ARHGAP24: variants seen among roughly 807,000 people sequenced by gnomAD.
ARHGAP24 encodes the protein rho GTPase-activating protein 24.
ARHGAP24 carries 50 observed loss-of-function variants against 76.4 expected under a neutral mutation model. The observed-to-expected ratio is 0.65, with a 90% CI of 0.52 to 0.83. The LOEUF (loss-of-function observed/expected upper bound fraction) is 0.83, where lower values mean the gene tolerates loss of function less well. Ranked by LOEUF, ARHGAP24 falls within the 40% of genes least tolerant of loss-of-function variation. The pLI is 0.00. For synonymous variants in ARHGAP24, 345 were observed against 323.3 expected, an observed-to-expected ratio of 1.07 and a Z score of -0.72; for missense variants, 930 against 914.2, an observed-to-expected ratio of 1.02 and a Z score of -0.22.
At chr4:85,552,864 A>C (rs774947323) in intron 1 of ARHGAP24, among the ~76,000 whole-genome samples, 1 of 152,158 alleles carries the variant, frequency 6.6e-6, no homozygotes, top group African/African-American at 2.4e-5. Context: ...ATTTTTCTCT[A>C]TCCCTTTACT....
At chr4:85,964,022 A>G (rs1479262319) in intron 5 of ARHGAP24, among the ~76,000 whole-genome samples, 1 of 152,080 alleles carries the variant, frequency 6.6e-6, no homozygotes, top group Non-Finnish European at 1.5e-5. Flanking sequence ...TTAATATGGT[A>G]TTGTGTTAGT....
At chr4:85,833,320 C>T (rs345366) in intron 3 of ARHGAP24, among the ~76,000 whole-genome samples, 144,358 of 152,294 alleles carry the variant, frequency 0.95, 68,907 homozygotes, top group East Asian at 1. Context: ...TCAAGAGGTA[C>T]GTGCTTGGTG....
At chr4:85,571,507 C>T (rs531094934) in intron 2 of ARHGAP24, among the ~76,000 whole-genome samples, 2 of 152,070 alleles carry the variant, frequency 1.3e-5, no homozygotes, top group African/African-American at 2.4e-5. Flanking sequence ...ATTTTAGATT[C>T]GTTTATATAA....
At chr4:85,632,637 G>A (rs1721194044) in intron 2 of ARHGAP24, among the ~76,000 whole-genome samples, 2 of 149,676 alleles carry the variant, frequency 1.3e-5, no homozygotes, top group African/African-American at 2.5e-5. Flanking sequence ...TTGATTTTCA[G>A]TTAAGAAGTA....
chr4:85,775,810 G>A (rs1727290863), intron 3 of ARHGAP24, among the ~76,000 whole-genome samples: 1 of 152,042 alleles, frequency 6.6e-6, no homozygotes. Context: ...GGAAATCACT[G>A]GACAATGCAA....
At chr4:85,764,868 GTT>G (rs10592840) in intron 3 of ARHGAP24, among the ~76,000 whole-genome samples, 34,049 of 151,838 alleles carry the variant, frequency 0.22, 4,023 homozygotes, top group Admixed American at 0.29. Context: ...AATTCAGAAA[GTT>G]TATACTAATT....
chr4:85,651,896 A>G (rs1218253535), intron 2 of ARHGAP24, among the ~76,000 whole-genome samples: 1 of 152,138 alleles, frequency 6.6e-6, no homozygotes, highest in East Asian at 1.9e-4. Context: ...AGAATTAGAT[A>G]AAATAAGAAC....
At chr4:85,954,782 T>A in intron 5 of ARHGAP24, among the ~76,000 whole-genome samples, 1 of 152,058 alleles carries the variant, frequency 6.6e-6, no homozygotes, top group East Asian at 1.9e-4. Flanking sequence ...CCAAGGCGGG[T>A]GTATCACCTG....
At chr4:85,615,327 A>G (rs1318392296) in intron 2 of ARHGAP24, among the ~76,000 whole-genome samples, 1 of 152,016 alleles carries the variant, frequency 6.6e-6, no homozygotes, top group African/African-American at 2.4e-5. Context: ...TTTATCTGTA[A>G]GTCATGTCTT....
intron 1 of ARHGAP24, among the ~76,000 whole-genome samples, chr4:85,511,719 C>T (rs983207465): frequency 3.3e-5 from 5 of 152,206 alleles, no homozygotes; most frequent in African/African-American, 1.2e-4. Flanking sequence ...CCCGCCTCGG[C>T]CTCCCAAAGT....
intron 3 of ARHGAP24, among the ~76,000 whole-genome samples, chr4:85,897,164 A>G (rs1293564291): frequency 1.3e-5 from 2 of 152,254 alleles, no homozygotes; most frequent in East Asian, 3.9e-4. Context: ...GAAAGGCTAT[A>G]AAATGATGCA....
At chr4:85,817,190 A>T (rs970216071) in intron 3 of ARHGAP24, among the ~76,000 whole-genome samples, 3 of 151,634 alleles carry the variant, frequency 2.0e-5, no homozygotes, top group Non-Finnish European at 2.9e-5. Flanking sequence ...ATGTTTGCAA[A>T]TTTTTCTCCC....
chr4:85,911,296 G>A (rs113376564), intron 3 of ARHGAP24, among the ~76,000 whole-genome samples: 2,090 of 152,262 alleles, frequency 0.014, 44 homozygotes, highest in African/African-American at 0.045. Context: ...CTGCCGGCTT[G>A]TGCAGCTCTG....
At chr4:85,846,318 A>G (rs1730879461) in intron 3 of ARHGAP24, among the ~76,000 whole-genome samples, 1 of 152,196 alleles carries the variant, frequency 6.6e-6, no homozygotes, top group African/African-American at 2.4e-5. Context: ...CAATCACTTT[A>G]TCTCCACCCC....
intron 5 of ARHGAP24, among the ~76,000 whole-genome samples, chr4:85,963,673 C>T (rs1406172493): frequency 6.6e-6 from 1 of 151,962 alleles, no homozygotes; most frequent in African/African-American, 2.4e-5. Flanking sequence ...TACATAGGCA[C>T]ATTATTCTAA....
chr4:85,488,636 T>C (rs866269849), intron 1 of ARHGAP24, among the ~76,000 whole-genome samples: 1 of 152,320 alleles, frequency 6.6e-6, no homozygotes. Flanking sequence ...CTTTGGCAGC[T>C]GGCCTATTTC....
chr4:85,635,837 A>G (rs1721293628), intron 2 of ARHGAP24, among the ~76,000 whole-genome samples: 1 of 151,982 alleles, frequency 6.6e-6, no homozygotes, highest in Non-Finnish European at 1.5e-5. Flanking sequence ...TGTTTTAAAC[A>G]TAGCCAATTA....
intron 3 of ARHGAP24, among the ~76,000 whole-genome samples, chr4:85,894,448 C>T (rs1277655569): frequency 6.6e-6 from 1 of 152,218 alleles, no homozygotes; most frequent in Non-Finnish European, 1.5e-5. Context: ...ACTCTCTCTT[C>T]TCCTCTACAG....
intron 2 of ARHGAP24, among the ~76,000 whole-genome samples, chr4:85,630,273 A>G (rs969393243): frequency 1.3e-5 from 2 of 151,988 alleles, no homozygotes; most frequent in East Asian, 1.9e-4. Flanking sequence ...TTAATTGTCT[A>G]TTTGTTCTCC....
Sources: gnomAD v4.1 joint callset for allele counts (sites outside exome capture counted in the v4.1 genomes callset) on GRCh38, gnomAD v4.1.1 for gene constraint, MANE v1.5 for transcripts, NCBI Gene and HGNC (gene_info 2026-07-23, HGNC 2026-07-21) for gene names.